IQCM: variants seen among roughly 807,000 people sequenced by gnomAD.
IQCM encodes IQ domain-containing protein M.
A neutral mutation model predicts 57.6 loss-of-function variants in IQCM; 45 were observed. That is an observed-to-expected ratio of 0.78 (90% CI 0.62 to 1.00). IQCM has a LOEUF of 1.00. Ranked by LOEUF, IQCM falls within the 50% of genes least tolerant of loss-of-function variation. The pLI is 0.00. For missense variants in IQCM, 468 were observed against 511.6 expected (o/e 0.91, Z 0.82); for synonymous variants, 148 against 158.9 (o/e 0.93, Z 0.51).
intron 12 of IQCM, among the ~76,000 whole-genome samples, chr4:149,486,127 A>C (rs1477207871): frequency 1.3e-5 from 2 of 150,082 alleles, no homozygotes; most frequent in Non-Finnish European, 3.0e-5. Context: ...CCCTGTGATC[A>C]CTACCACTAT....
rs548707613 is a variant in IQCM at position 149,391,849 on chromosome 4, A to G, written c.1391-39783T>C. Among the ~76,000 whole-genome samples the G allele has an allele frequency of 2.0e-5, 3 of 151,978 alleles. No homozygotes were observed. In the East Asian group the frequency reaches 5.8e-4, roughly 30 times the overall value. ...TTGGTCAAATAACATATTTTGTCTGATTTTGATCCTTGTACATTTATTGAG... is the reference window on the plus strand; with the variant it reads ...TTGGTCAAATAACATATTTTGTCTGGTTTTGATCCTTGTACATTTATTGAG... On this transcript the variant is annotated intron_variant, in intron 13 of 13. Transcript: ENST00000636793.
chr4:149,782,134 T>C (rs951008443), intron 2 of IQCM, among the ~76,000 whole-genome samples: 1 of 152,112 alleles, frequency 6.6e-6, no homozygotes, highest in Non-Finnish European at 1.5e-5. Flanking sequence ...AAATAAGTTA[T>C]AAATTCAGTG....
At chr4:149,563,586 C>T in intron 10 of IQCM, 106 bp downstream of exon 10, 2 of 815,412 alleles carry the variant, frequency 2.5e-6, no homozygotes, top group Non-Finnish European at 3.3e-6. Context: ...AACTCTATCT[C>T]CAAAAAAAAA....
intron 2 of IQCM, among the ~76,000 whole-genome samples, chr4:149,808,667 T>C (rs1256728474): frequency 6.6e-6 from 1 of 152,132 alleles, no homozygotes; most frequent in Non-Finnish European, 1.5e-5. Flanking sequence ...ATCCCCAAAA[T>C]ATGTACAATG....
intron 12 of IQCM, among the ~76,000 whole-genome samples, chr4:149,492,719 C>T (rs1406768496): frequency 6.6e-6 from 1 of 152,064 alleles, no homozygotes; most frequent in South Asian, 2.1e-4. Flanking sequence ...ACTTAAAAAC[C>T]CTGTTTGCCC....
chr4:149,709,458 G>A (rs535686667), intron 5 of IQCM, among the ~76,000 whole-genome samples: 1 of 152,080 alleles, frequency 6.6e-6, no homozygotes, highest in East Asian at 1.9e-4. Flanking sequence ...GTCTTTCAAG[G>A]GGTCATCACT....
At chr4:149,399,275 C>T (rs1273512684) in intron 13 of IQCM, among the ~76,000 whole-genome samples, 1 of 151,970 alleles carries the variant, frequency 6.6e-6, no homozygotes, top group East Asian at 1.9e-4. Flanking sequence ...AAAATAATGA[C>T]TCCTCCCTAG....
At chr4:149,514,918 G>C (rs991904721) in intron 12 of IQCM, among the ~76,000 whole-genome samples, 14 of 152,236 alleles carry the variant, frequency 9.2e-5, no homozygotes, top group Non-Finnish European at 2.1e-4. Flanking sequence ...TTTCTTCTGT[G>C]CTGGATGCTT....
At chr4:149,696,252 G>A (rs1763332644) in intron 5 of IQCM, among the ~76,000 whole-genome samples, 1 of 152,054 alleles carries the variant, frequency 6.6e-6, no homozygotes, top group Non-Finnish European at 1.5e-5. Flanking sequence ...TCAGCTTTTT[G>A]CTGAACCTTT....
intron 7 of IQCM, among the ~76,000 whole-genome samples, chr4:149,641,857 TA>T (rs1207683448): frequency 1.3e-5 from 2 of 152,114 alleles, no homozygotes; most frequent in South Asian, 2.1e-4. Context: ...ACCTTGGGGA[TA>T]AAAAAAGATC....
At chr4:149,697,232 G>A (rs1763409069) in intron 5 of IQCM, among the ~76,000 whole-genome samples, 1 of 152,010 alleles carries the variant, frequency 6.6e-6, no homozygotes, top group African/African-American at 2.4e-5. Flanking sequence ...CAGCCACAAT[G>A]TTTCCCTTCA....
chr4:149,814,249 T>A (rs1774848309), intron 2 of IQCM, among the ~76,000 whole-genome samples: 1 of 152,030 alleles, frequency 6.6e-6, no homozygotes, highest in African/African-American at 2.4e-5. Context: ...GAAGTACAAA[T>A]GTCTATCAAA....
intron 2 of IQCM, among the ~76,000 whole-genome samples, chr4:149,747,221 G>A (rs1303982634): frequency 1.3e-5 from 2 of 152,190 alleles, no homozygotes; most frequent in Middle Eastern, 3.2e-3. Context: ...AAGTTCCAAT[G>A]AGGGCCAATA....
At chr4:149,788,466 C>T (rs982250165) in intron 2 of IQCM, among the ~76,000 whole-genome samples, 19 of 152,122 alleles carry the variant, frequency 1.2e-4, no homozygotes, top group East Asian at 9.6e-4. Context: ...CTAGTTAGAA[C>T]GGCTACTGCA....
intron 13 of IQCM, among the ~76,000 whole-genome samples, chr4:149,393,124 A>T (rs944881754): frequency 6.6e-6 from 1 of 151,986 alleles, no homozygotes; most frequent in African/African-American, 2.4e-5. Context: ...AGTGAGCTGC[A>T]ATTGTTTCAC....
intron 8 of IQCM, among the ~76,000 whole-genome samples, chr4:149,614,007 A>C (rs1476805619): frequency 6.6e-6 from 1 of 152,102 alleles, no homozygotes; most frequent in Non-Finnish European, 1.5e-5. Context: ...CTTTGAAACA[A>C]TATGTTTCTA....
intron 12 of IQCM, among the ~76,000 whole-genome samples, chr4:149,505,523 T>C (rs555867940): frequency 1.3e-4 from 20 of 152,342 alleles, no homozygotes; most frequent in Admixed American, 1.3e-3. Flanking sequence ...CCTGATCATA[T>C]ACAAATGTTT....
intron 9 of IQCM, among the ~76,000 whole-genome samples, chr4:149,567,765 AAAG>A (rs1481146237): frequency 1.3e-5 from 2 of 152,030 alleles, no homozygotes; most frequent in Non-Finnish European, 2.9e-5. Context: ...TCACTATATA[AAAG>A]GAGGGCTGCA....
intron 13 of IQCM, among the ~76,000 whole-genome samples, chr4:149,386,879 G>C (rs1191929276): frequency 6.6e-6 from 1 of 151,892 alleles, no homozygotes; most frequent in African/African-American, 2.4e-5. Context: ...CAGCTCAAAA[G>C]GTTTTAATAG....
Sources: allele counts gnomAD v4.1 joint callset (sites outside exome capture counted in the v4.1 genomes callset), GRCh38; gene constraint gnomAD v4.1.1; transcripts MANE v1.5; gene names NCBI Gene and HGNC (gene_info 2026-07-23, HGNC 2026-07-21).